Variants in SPHKAP observed in about 807,000 individuals in gnomAD.
SPHKAP encodes A-kinase anchor protein SPHKAP.
In SPHKAP, 67 loss-of-function variants were observed where a neutral mutation model predicts 137.5. The observed-to-expected ratio is 0.49, with a 90% CI of 0.40 to 0.60. The LOEUF (loss-of-function observed/expected upper bound fraction) is 0.60. Among genes scored for constraint, SPHKAP ranks in the 20% least tolerant of loss-of-function variants. SPHKAP has a pLI of 0.00. For synonymous variants in SPHKAP, 813 were observed against 785.3 expected (o/e 1.04, Z -0.59); for missense variants, 2,097 against 2,069.3 (o/e 1.01, Z -0.26).
Position 228,018,826 on chromosome 2 carries a change from C to T in SPHKAP, c.2028G>A (p.Leu676=). ...ELAHTLSNVI[L]RHSIDEVHHK... ...GGTGAACTTCATCAATGGAATGCCT[C>T]AGGATAACATTGGACAGGGTATGTG... Residue 676 remains leucine (L), a synonymous_variant, in exon 7 of 12, where the codon CTG becomes CTA. Coordinates refer to ENST00000392056, the MANE Select transcript of SPHKAP (RefSeq NM_001142644.2). 1 of 1,614,218 alleles carries T rather than the reference C, an allele frequency of 6.2e-7. No homozygotes were observed. Among genetic ancestry groups the T allele is most frequent in the South Asian group, 1.1e-5 (1 of 91,084 alleles).
At chr2:228,151,920 T>G (rs537201128) in intron 1 of SPHKAP, among the ~76,000 whole-genome samples, 68 of 152,326 alleles carry the variant, frequency 4.5e-4, no homozygotes, top group African/African-American at 1.5e-3. Flanking sequence ...CTACAGGTTT[T>G]GAAATGTGGA....
chr2:228,069,973 A>T (rs1696954795), intron 3 of SPHKAP, among the ~76,000 whole-genome samples: 2 of 152,162 alleles, frequency 1.3e-5, no homozygotes, highest in Non-Finnish European at 2.9e-5. Context: ...GGAACACGTG[A>T]TTGGGCAAGC....
chr2:228,052,457 CACAA>C (rs1696291057), intron 3 of SPHKAP, among the ~76,000 whole-genome samples: 1 of 152,120 alleles, frequency 6.6e-6, no homozygotes, highest in Non-Finnish European at 1.5e-5. Flanking sequence ...ACAACAGCCA[CACAA>C]ACAAACAAAA....
intron 3 of SPHKAP, among the ~76,000 whole-genome samples, chr2:228,031,968 A>C (rs1003224981): frequency 6.6e-6 from 1 of 152,242 alleles, no homozygotes; most frequent in Non-Finnish European, 1.5e-5. Flanking sequence ...TCTAAAAAGC[A>C]GAGCGCCTCT....
chr2:228,170,240 C>T (rs1375624309), intron 1 of SPHKAP, among the ~76,000 whole-genome samples: 1 of 152,138 alleles, frequency 6.6e-6, no homozygotes, highest in Admixed American at 6.6e-5. Context: ...TGCGATGGAG[C>T]CTACTCCTGG....
chr2:228,072,902 G>A (rs145155735), intron 3 of SPHKAP, among the ~76,000 whole-genome samples: 1 of 152,218 alleles, frequency 6.6e-6, no homozygotes, highest in African/African-American at 2.4e-5. Flanking sequence ...GTGGAGCCAG[G>A]CTTTGAGTCT....
chr2:228,013,716 G>A (rs1221589593), intron 7 of SPHKAP, among the ~76,000 whole-genome samples: 1 of 152,164 alleles, frequency 6.6e-6, no homozygotes, highest in African/African-American at 2.4e-5. Context: ...CCTCTTATAA[G>A]ATAATTATTA....
chr2:228,108,899 C>T lies in SPHKAP; in HGVS notation c.179G>A (p.Trp60Ter). 1.2e-6 allele frequency: 2 copies of T among 1,609,982 alleles called. No homozygotes were observed. Among genetic ancestry groups the T allele is most frequent in the Non-Finnish European group, 1.7e-6 (2 of 1,179,150 alleles). The change falls in exon 3 of 12, where the codon TGG becomes TAG. Residue 60 changes from tryptophan to a stop codon, truncating the protein, a stop_gained. Transcript: ENST00000392056. LOFTEE classifies it high-confidence loss of function. ...SNSLLESTDY[W>*]LQNQRMPCQI... ...GCAGGGCATCCTCTGATTCTGCAAC[C>T]AGTAGTCTGTTGACTCCAGCAGGCT... is the stretch of plus-strand genomic sequence containing the variant.
At position 228,139,455 on chromosome 2, in the gene SPHKAP, G is replaced by C. The variant is rs1310933045; in HGVS notation, c.33-7370C>G. Among the ~76,000 whole-genome samples, 3 of 152,064 alleles carry C rather than the reference G, an allele frequency of 2.0e-5. No individual in the cohort carries two copies. The East Asian group carries it at 5.8e-4, about 29-fold the overall frequency. ...AATAGAATGTTATTGGAGATTATATGACAATATAAAATAACACTTATTGAA... is the reference window on the plus strand; with the variant it reads ...AATAGAATGTTATTGGAGATTATATCACAATATAAAATAACACTTATTGAA... On this transcript the variant is annotated intron_variant, in intron 1 of 11. Transcript: ENST00000392056.
intron 2 of SPHKAP, among the ~76,000 whole-genome samples, chr2:228,109,916 C>T (rs58526604): frequency 0.019 from 2,499 of 134,004 alleles, 68 homozygotes; most frequent in African/African-American, 0.065. Flanking sequence ...TGAGATCACA[C>T]CATTGCACTC....
At chr2:228,067,432 G>A (rs1696862916) in intron 3 of SPHKAP, among the ~76,000 whole-genome samples, 2 of 152,178 alleles carry the variant, frequency 1.3e-5, no homozygotes, top group African/African-American at 4.8e-5. Flanking sequence ...CTGAAAAGGT[G>A]GGTACTTCAT....
intron 11 of SPHKAP, 102 bp from the exon 12 acceptor site, chr2:227,981,962 T>C: frequency 7.0e-7 from 1 of 1,437,292 alleles, no homozygotes; most frequent in Non-Finnish European, 9.1e-7. Flanking sequence ...AGTCTCTGTT[T>C]AAATGTCTCT....
intron 2 of SPHKAP, among the ~76,000 whole-genome samples, chr2:228,113,740 C>A (rs966398360): frequency 1.3e-5 from 2 of 151,256 alleles, no homozygotes; most frequent in Non-Finnish European, 2.9e-5. Context: ...CCTCCCTTTG[C>A]CTTTGGTAAA....
intron 7 of SPHKAP, among the ~76,000 whole-genome samples, chr2:228,010,743 G>A (rs1694337394): frequency 6.6e-6 from 1 of 151,946 alleles, no homozygotes; most frequent in Non-Finnish European, 1.5e-5. Context: ...GTATTTTATT[G>A]ATTTTTATAT....
intron 3 of SPHKAP, among the ~76,000 whole-genome samples, chr2:228,034,447 A>T (rs903455262): frequency 6.6e-6 from 1 of 152,162 alleles, no homozygotes; most frequent in African/African-American, 2.4e-5. Context: ...ATTCTACCAG[A>T]GGTACAAGGA....
chr2:228,091,693 G>A (rs1466864119), intron 3 of SPHKAP, among the ~76,000 whole-genome samples: 3 of 152,028 alleles, frequency 2.0e-5, no homozygotes, highest in African/African-American at 7.2e-5. Context: ...AAGGATCAGG[G>A]AAATGCAAAT....
At chr2:228,085,350 A>G (rs981868653) in intron 3 of SPHKAP, among the ~76,000 whole-genome samples, 2 of 152,202 alleles carry the variant, frequency 1.3e-5, no homozygotes, top group Non-Finnish European at 2.9e-5. Flanking sequence ...ATATTCATCC[A>G]TGGATTTCTG....
Position 228,078,761 on chromosome 2 carries a change from C to T in SPHKAP, c.246+30071G>A, listed in dbSNP as rs75112508. Reference sequence around the variant, plus strand: ...GGACAGTGTGACATTACTCACATCACCCAACTCCAGGCAGCATAGAGTGGA... The same window carrying T: ...GGACAGTGTGACATTACTCACATCATCCAACTCCAGGCAGCATAGAGTGGA... On this transcript the variant is annotated intron_variant, in intron 3 of 11. Coordinates refer to ENST00000392056, the MANE Select transcript of SPHKAP (RefSeq NM_001142644.2). Among the ~76,000 whole-genome samples, 1,004 of 152,254 alleles carry T rather than the reference C, an allele frequency of 6.6e-3. 7 individuals carry two copies. Among genetic ancestry groups the T allele is most frequent in the South Asian group, 0.018 (88 of 4,824 alleles).
chr2:227,990,817 G>T, intron 11 of SPHKAP, 183 bp downstream of exon 11: 1 of 631,040 alleles, frequency 1.6e-6, no homozygotes, highest in Non-Finnish European at 2.6e-6. Flanking sequence ...AAGGATCAAA[G>T]AAACGCTAAG....
Sources: gnomAD v4.1 joint callset for allele counts (sites outside exome capture counted in the v4.1 genomes callset) on GRCh38, gnomAD v4.1.1 for gene constraint, MANE v1.5 for transcripts, NCBI Gene and HGNC (gene_info 2026-07-23, HGNC 2026-07-21) for gene names.